The following PARD3B variants were observed in gnomAD, a reference collection of about 807,000 sequenced individuals.
The protein encoded by PARD3B is par-3 family cell polarity regulator beta.
PARD3B carries 103 observed loss-of-function variants against 130.2 expected under a neutral mutation model. That is an observed-to-expected ratio of 0.79 (90% CI 0.67 to 0.93). PARD3B has a LOEUF of 0.93. PARD3B is among the 40% of genes least tolerant of loss of function. PARD3B has a pLI of 0.00. For missense variants in PARD3B, 1,609 were observed against 1,499.2 expected (o/e 1.07, Z -1.21); for synonymous variants, 583 against 553.2 (o/e 1.05, Z -0.76).
chr2:205,051,488 C>T (rs1400427243), intron 4 of PARD3B, among the ~76,000 whole-genome samples: 1 of 152,066 alleles, frequency 6.6e-6, no homozygotes, highest in Non-Finnish European at 1.5e-5. Flanking sequence ...ACTTATAACC[C>T]ACAGCATAAG....
At chr2:205,169,245 A>G (rs2035009365) in intron 11 of PARD3B, among the ~76,000 whole-genome samples, 1 of 152,012 alleles carries the variant, frequency 6.6e-6, no homozygotes, top group African/African-American at 2.4e-5. Flanking sequence ...TTTTTATTGC[A>G]CCCACAACTC....
intron 2 of PARD3B, among the ~76,000 whole-genome samples, chr2:204,877,448 TAGA>T (rs1349835850): frequency 6.6e-6 from 1 of 152,144 alleles, no homozygotes; most frequent in Non-Finnish European, 1.5e-5. Flanking sequence ...GAAACTCACA[TAGA>T]AGGAGGGCTG....
chr2:204,758,143 A>G (rs563675898), intron 2 of PARD3B, among the ~76,000 whole-genome samples: 44 of 152,266 alleles, frequency 2.9e-4, no homozygotes, highest in African/African-American at 9.4e-4. Flanking sequence ...CTCATCCTCC[A>G]GGGCCTCTCC....
intron 2 of PARD3B, among the ~76,000 whole-genome samples, chr2:204,926,648 T>A (rs1365015353): frequency 6.6e-6 from 1 of 152,094 alleles, no homozygotes; most frequent in Admixed American, 6.5e-5. Flanking sequence ...GGAAGCAAAC[T>A]AGGTCTTCAT....
chr2:205,220,695 G>C (rs1337114139), intron 15 of PARD3B, among the ~76,000 whole-genome samples: 2 of 152,186 alleles, frequency 1.3e-5, no homozygotes, highest in African/African-American at 4.8e-5. Context: ...AGTCAGGGTT[G>C]GGAGGCCTGC....
At chr2:205,363,832 CTTTTTT>C (rs59271830) in intron 18 of PARD3B, among the ~76,000 whole-genome samples, 2 of 97,202 alleles carry the variant, frequency 2.1e-5, no homozygotes, top group African/African-American at 6.3e-5. Context: ...GCCTGACTGA[CTTTTTT>C]TTTTTTTTTT....
rs2161018 is a variant in PARD3B at position 204,816,982 on chromosome 2, C to T, written c.222+130700C>T. ...TATTGCTATGTCTAGGCTCACTCAT[C>T]TTTTCCTTCTACAATGTCTAACCTG... is the stretch of plus-strand genomic sequence containing the variant. On this transcript the variant is annotated intron_variant, in intron 2 of 22. Transcript: ENST00000406610. 1.6e-3 allele frequency among the ~76,000 whole-genome samples: 240 copies of T among 152,150 alleles called. 1 individual carries two copies. The highest frequency in any genetic ancestry group is 2.9e-3 in the Non-Finnish European group (199 of 67,958).
chr2:204,599,466 C>T (rs2033422674), intron 1 of PARD3B, among the ~76,000 whole-genome samples: 1 of 151,888 alleles, frequency 6.6e-6, no homozygotes, highest in African/African-American at 2.4e-5. Flanking sequence ...TGGCTTATTT[C>T]ACTTAACCTG....
At chr2:205,554,202 GT>G (rs2052777787) in intron 22 of PARD3B, among the ~76,000 whole-genome samples, 1 of 151,982 alleles carries the variant, frequency 6.6e-6, no homozygotes, top group African/African-American at 2.4e-5. Flanking sequence ...GAAAGTTGCA[GT>G]GTTTTCAAAT....
intron 21 of PARD3B, among the ~76,000 whole-genome samples, chr2:205,532,449 T>G (rs1394511169): frequency 1.3e-5 from 2 of 152,110 alleles, no homozygotes; most frequent in East Asian, 3.8e-4. Context: ...AGCCCCAATA[T>G]CCTTCTCAAA....
intron 6 of PARD3B, among the ~76,000 whole-genome samples, chr2:205,114,637 A>G (rs1043107935): frequency 6.6e-6 from 1 of 152,076 alleles, no homozygotes; most frequent in African/African-American, 2.4e-5. Context: ...GTGGTTCTGA[A>G]TATTTATTCA....
intron 2 of PARD3B, among the ~76,000 whole-genome samples, chr2:204,946,544 G>C (rs1689334783): frequency 6.6e-6 from 1 of 152,264 alleles, no homozygotes; most frequent in African/African-American, 2.4e-5. Context: ...ACACCGAGGA[G>C]ATTTATTTTG....
At chr2:205,577,231 A>G (rs1202026659) in intron 22 of PARD3B, among the ~76,000 whole-genome samples, 1 of 151,442 alleles carries the variant, frequency 6.6e-6, no homozygotes, top group African/African-American at 2.4e-5. Flanking sequence ...CTAGATGATC[A>G]TGTCACCTGC....
chr2:205,201,628 G>C (rs1387038276), intron 15 of PARD3B, among the ~76,000 whole-genome samples: 1 of 152,108 alleles, frequency 6.6e-6, no homozygotes, highest in Middle Eastern at 3.2e-3. Context: ...ACCTGAGGTC[G>C]GGAGTTCGAG....
intron 1 of PARD3B, among the ~76,000 whole-genome samples, chr2:204,583,566 G>A (rs148623374): frequency 0.016 from 1,835 of 116,856 alleles, 45 homozygotes; most frequent in African/African-American, 0.058. Flanking sequence ...CATGGCACAT[G>A]TATACATATG....
In PARD3B at chr2:205,550,972, TATATAC is replaced by T. The variant is rs1165774209; in HGVS notation, c.3181-2350_3181-2345del. On this transcript the variant is annotated intron_variant, in intron 21 of 22. Coordinates refer to ENST00000406610, the MANE Select transcript of PARD3B (RefSeq NM_001302769.2). The surrounding 1 kb of genome is among the most constrained non-coding windows in gnomAD (Gnocchi z 4.5). ...ATATATGTGTATATATATATATATA[TATATAC>T]ACACACACACACACACACACACACA... Among the ~76,000 whole-genome samples the T allele has an allele frequency of 1.9e-3, 201 of 103,600 alleles. No homozygotes were observed. The highest frequency in any genetic ancestry group is 6.2e-3 in the African/African-American group (192 of 31,126). The allele number at this position is 103,600 out of a possible 152,430, so 68.0% of individuals were successfully genotyped here.
At chr2:205,059,340 C>T (rs1699924682) in intron 4 of PARD3B, among the ~76,000 whole-genome samples, 1 of 151,928 alleles carries the variant, frequency 6.6e-6, no homozygotes, top group South Asian at 2.1e-4. Flanking sequence ...CATGAAGGAC[C>T]CTATGTATGA....
At chr2:205,432,300 T>C (rs1417907546) in intron 19 of PARD3B, among the ~76,000 whole-genome samples, 2 of 152,168 alleles carry the variant, frequency 1.3e-5, no homozygotes, top group Non-Finnish European at 2.9e-5. Flanking sequence ...CTTCACTCTG[T>C]TCTCAACAAA....
At chr2:205,138,562 GA>G (rs1393457656) in intron 10 of PARD3B, among the ~76,000 whole-genome samples, 1 of 152,218 alleles carries the variant, frequency 6.6e-6, no homozygotes, top group African/African-American at 2.4e-5. Context: ...TGACAATAAA[GA>G]GGGAGAAGAA....
Sources: allele counts gnomAD v4.1 joint callset (sites outside exome capture counted in the v4.1 genomes callset), GRCh38; gene constraint gnomAD v4.1.1; non-coding constraint Gnocchi (gnomAD v3.1); transcripts MANE v1.5; gene names NCBI Gene and HGNC (gene_info 2026-07-23, HGNC 2026-07-21).